GRM7: variants seen among roughly 807,000 people sequenced by gnomAD.
GRM7 encodes the protein glutamate metabotropic receptor 7.
A neutral mutation model predicts 84.5 loss-of-function variants in GRM7; 35 were observed. The ratio of observed to expected loss-of-function variants is 0.41; its 90% CI spans 0.32 to 0.55. The LOEUF (loss-of-function observed/expected upper bound fraction) is 0.55, where lower values mean the gene tolerates loss of function less well. Ranked by LOEUF, GRM7 falls within the 20% of genes least tolerant of loss-of-function variation. GRM7 has a pLI of 0.19. For missense variants in GRM7, 1,003 were observed against 1,194.6 expected (o/e 0.84, Z 2.36); for synonymous variants, 487 against 455.1 (o/e 1.07, Z -0.89).
intron 2 of GRM7, among the ~76,000 whole-genome samples, chr3:7,288,545 C>A (rs1699509864): frequency 6.6e-6 from 1 of 152,142 alleles, no homozygotes; most frequent in African/African-American, 2.4e-5. Flanking sequence ...GTCTTCTCAT[C>A]CGTAAAGTGG....
rs1301354145 is a variant in GRM7 at position 6,927,485 on chromosome 3, G to GAAAGAA, written c.519+65580_519+65585dup. Reference sequence around the variant, plus strand: ...AGAGAGAAAGAAAGAAAGAAAGAAAGAAAGAAAGAAAGAAAGAAAGAAAGA... The same window carrying GAAAGAA: ...AGAGAGAAAGAAAGAAAGAAAGAAAGAAAGAAAAAGAAAGAAAGAAAGAAAGAAAGA... On this transcript the variant is annotated intron_variant, in intron 1 of 9. Coordinates refer to ENST00000357716, the MANE Select transcript of GRM7 (RefSeq NM_000844.4). Among the ~76,000 whole-genome samples, 44 of 116,764 alleles carry GAAAGAA rather than the reference G, an allele frequency of 3.8e-4. No homozygotes were observed. In the East Asian group the frequency reaches 8.7e-3, roughly 23 times the overall value. 76.6% of individuals were successfully genotyped at this position (116,764 alleles called of 152,430 possible). A position where few individuals can be genotyped will look rare whatever the true frequency, so the allele number is the denominator to read the frequency against.
At position 7,173,735 on chromosome 3, in the gene GRM7, GT is replaced by G. The variant is rs200755071; in HGVS notation, c.736+27069del. 3.3e-5 allele frequency among the ~76,000 whole-genome samples: 5 copies of G among 152,062 alleles called. No individual in the cohort carries two copies. In the East Asian group the frequency reaches 9.6e-4, roughly 29 times the overall value. On this transcript the variant is annotated intron_variant, in intron 2 of 9. Transcript: ENST00000357716. ...GCCCCACCCCACATTCATTTACTCAGTTAACTCCTGGACCTCAGAGCTTGGC... is the reference window on the plus strand; with the variant it reads ...GCCCCACCCCACATTCATTTACTCAGTAACTCCTGGACCTCAGAGCTTGGC...
At chr3:7,284,248 T>A (rs1383977933) in intron 2 of GRM7, among the ~76,000 whole-genome samples, 1 of 151,438 alleles carries the variant, frequency 6.6e-6, no homozygotes, top group African/African-American at 2.4e-5. Flanking sequence ...GTGTTTGGCT[T>A]CAGGAGTTAG....
At chr3:6,893,888 A>C (rs529972135) in intron 1 of GRM7, 2 of 152,232 alleles carry the variant, frequency 1.3e-5, no homozygotes, top group South Asian at 2.1e-4. Flanking sequence ...AAATCTGCCT[A>C]TGTTTTTCTT....
intron 8 of GRM7, among the ~76,000 whole-genome samples, chr3:7,628,253 C>G (rs1211317112): frequency 6.6e-6 from 1 of 152,086 alleles, no homozygotes; most frequent in African/African-American, 2.4e-5. Flanking sequence ...TCCTGAGGGC[C>G]TACTGTGTGC....
chr3:6,987,176 C>T (rs546539061), intron 1 of GRM7, among the ~76,000 whole-genome samples: 2 of 152,054 alleles, frequency 1.3e-5, no homozygotes, highest in South Asian at 4.2e-4. Context: ...GCTTTATTGA[C>T]AACTGTTTCT....
At position 7,105,631 on chromosome 3, in the gene GRM7, T is replaced by G. The variant is rs1365807205; in HGVS notation, c.520-40821T>G. On this transcript the variant is annotated intron_variant, in intron 1 of 9. Coordinates refer to ENST00000357716, the MANE Select transcript of GRM7 (RefSeq NM_000844.4). ...TGTTGTGGGATGTTGGAAATTTTAA[T>G]GATTCTTATTTATTGTTTTTGTTAG... 2.0e-5 allele frequency among the ~76,000 whole-genome samples: 3 copies of G among 151,934 alleles called. No homozygotes were observed. In the East Asian group the frequency reaches 5.8e-4, roughly 29 times the overall value.
chr3:7,696,146 T>C (rs971609041), intron 9 of GRM7, among the ~76,000 whole-genome samples: 1 of 152,202 alleles, frequency 6.6e-6, no homozygotes, highest in Non-Finnish European at 1.5e-5. Flanking sequence ...ATACTCCCCA[T>C]TGCTTATGAG....
At chr3:7,018,550 G>A (rs902312588) in intron 1 of GRM7, among the ~76,000 whole-genome samples, 10 of 152,232 alleles carry the variant, frequency 6.6e-5, no homozygotes, top group African/African-American at 2.4e-4. Flanking sequence ...GACCAAGCAA[G>A]TCCCACGGGG....
At chr3:7,583,439 C>T (rs1195480368) in intron 8 of GRM7, among the ~76,000 whole-genome samples, 2 of 152,202 alleles carry the variant, frequency 1.3e-5, no homozygotes, top group East Asian at 1.9e-4. Flanking sequence ...AATTATGACA[C>T]ACTTCCTCTG....
At chr3:7,199,690 C>T (rs529514078) in intron 2 of GRM7, among the ~76,000 whole-genome samples, 3 of 152,226 alleles carry the variant, frequency 2.0e-5, no homozygotes, top group African/African-American at 7.2e-5. Flanking sequence ...CTACAATGTC[C>T]CCCTCAAATA....
At chr3:7,579,425 AATTG>A in intron 8 of GRM7, 68 bp downstream of exon 8, 1 of 873,368 alleles carries the variant, frequency 1.1e-6, no homozygotes, top group Non-Finnish European at 1.7e-6. Context: ...ACTGAAACCA[AATTG>A]ATTGTATAAA....
intron 1 of GRM7, among the ~76,000 whole-genome samples, chr3:6,902,493 G>T (rs184410997): frequency 9.3e-4 from 142 of 152,170 alleles, no homozygotes; most frequent in Non-Finnish European, 3.7e-4. Flanking sequence ...GAAAATCCAA[G>T]TTAAATAAGT....
intron 2 of GRM7, among the ~76,000 whole-genome samples, chr3:7,233,232 C>A (rs1414999707): frequency 6.6e-6 from 1 of 152,042 alleles, no homozygotes; most frequent in Non-Finnish European, 1.5e-5. Flanking sequence ...CAGAGGAAGC[C>A]CAATTTATGT....
At chr3:7,689,622 C>T (rs1700721990) in intron 9 of GRM7, among the ~76,000 whole-genome samples, 2 of 152,186 alleles carry the variant, frequency 1.3e-5, no homozygotes, top group South Asian at 4.1e-4. Context: ...CAACTGCCGT[C>T]TTAAGTTCAA....
At chr3:7,697,863 G>A (rs1315640285) in intron 9 of GRM7, among the ~76,000 whole-genome samples, 1 of 152,138 alleles carries the variant, frequency 6.6e-6, no homozygotes, top group East Asian at 1.9e-4. Flanking sequence ...CAACTATTAA[G>A]GAGGTTCCAC....
At chr3:7,106,834 T>C (rs981196365) in intron 1 of GRM7, among the ~76,000 whole-genome samples, 2 of 152,032 alleles carry the variant, frequency 1.3e-5, no homozygotes, top group African/African-American at 2.4e-5. Context: ...AGGAGACAGA[T>C]TGTCTGACAG....
chr3:7,596,273 G>GT (rs35375159), intron 8 of GRM7, among the ~76,000 whole-genome samples: 152,264 of 152,266 alleles, frequency 1, 76,131 homozygotes, highest in Middle Eastern at 1. Context: ...GAGAGGGAAG[G>GT]TTGGCAGGAA....
intron 1 of GRM7, among the ~76,000 whole-genome samples, chr3:6,987,869 C>T (rs1298900944): frequency 6.6e-6 from 1 of 152,062 alleles, no homozygotes; most frequent in Non-Finnish European, 1.5e-5. Context: ...GGATGGTAGC[C>T]ATGGAGGCCA....
Sources: allele counts gnomAD v4.1 joint callset (sites outside exome capture counted in the v4.1 genomes callset), GRCh38; gene constraint gnomAD v4.1.1; transcripts MANE v1.5; gene names NCBI Gene and HGNC (gene_info 2026-07-23, HGNC 2026-07-21).